The following ADK variants were observed in gnomAD, a reference collection of about 807,000 sequenced individuals.
ADK encodes the protein adenosine kinase.
In ADK, 24 loss-of-function variants were observed where a neutral mutation model predicts 44.7. That is an observed-to-expected ratio of 0.54 (90% CI 0.39 to 0.76). The LOEUF (loss-of-function observed/expected upper bound fraction) is 0.76, where lower values mean the gene tolerates loss of function less well. Among genes scored for constraint, ADK ranks in the 30% least tolerant of loss-of-function variants. ADK has a pLI of 0.00. For missense variants in ADK, 321 were observed against 425.1 expected (o/e 0.76, Z 2.15); for synonymous variants, 128 against 142.6 (o/e 0.90, Z 0.73).
chr10:74,346,226 G>GT (rs113843999), intron 4 of ADK, among the ~76,000 whole-genome samples: 3 of 151,212 alleles, frequency 2.0e-5, no homozygotes, highest in African/African-American at 2.4e-5. Flanking sequence ...CAAAGTTCAT[G>GT]TTTTTTTTTC....
chr10:74,474,888 G>A (rs1024334523), intron 6 of ADK, among the ~76,000 whole-genome samples: 9 of 152,176 alleles, frequency 5.9e-5, no homozygotes, highest in African/African-American at 1.9e-4. Context: ...AGCACTTTGG[G>A]AGGCTGAGGT....
At chr10:74,192,190 T>C (rs1378729777) in intron 1 of ADK, among the ~76,000 whole-genome samples, 2 of 152,118 alleles carry the variant, frequency 1.3e-5, no homozygotes, top group African/African-American at 2.4e-5. Context: ...ACATTTATTA[T>C]GTTTCCAGAT....
intron 3 of ADK, among the ~76,000 whole-genome samples, chr10:74,291,243 T>A (rs923981263): frequency 1.3e-5 from 2 of 152,050 alleles, no homozygotes; most frequent in African/African-American, 4.8e-5. Flanking sequence ...GGTGAAACCC[T>A]GTCTCTAATA....
At chr10:74,561,564 A>G (rs191612744) in intron 7 of ADK, among the ~76,000 whole-genome samples, 4 of 152,350 alleles carry the variant, frequency 2.6e-5, no homozygotes, top group Middle Eastern at 3.4e-3. Flanking sequence ...TGTCTAATGT[A>G]TGTGTTCCTA....
intron 6 of ADK, among the ~76,000 whole-genome samples, chr10:74,455,608 C>G (rs188143158): frequency 1.9e-3 from 282 of 152,136 alleles, no homozygotes; most frequent in African/African-American, 6.5e-3. Context: ...TTCCCTGGTT[C>G]AAGCAATTCT....
chr10:74,448,621 A>G (rs187610221), intron 6 of ADK, among the ~76,000 whole-genome samples: 161 of 152,266 alleles, frequency 1.1e-3, no homozygotes, highest in African/African-American at 3.8e-3. Context: ...ACACTCCTCA[A>G]TGCTTAATGA....
intron 6 of ADK, among the ~76,000 whole-genome samples, chr10:74,499,398 G>A (rs1392664197): frequency 1.3e-5 from 2 of 152,190 alleles, no homozygotes; most frequent in African/African-American, 4.8e-5. Flanking sequence ...ATAAGAAAGT[G>A]ACATTTTTGG....
chr10:74,598,314 C>T (rs528317349), intron 8 of ADK, among the ~76,000 whole-genome samples: 24 of 135,942 alleles, frequency 1.8e-4, no homozygotes, highest in African/African-American at 5.9e-4. Context: ...TTATTTTGTC[C>T]TTTAATTGCC....
chr10:74,450,263 G>C (rs1216721806), intron 6 of ADK, among the ~76,000 whole-genome samples: 1 of 152,190 alleles, frequency 6.6e-6, no homozygotes, highest in Non-Finnish European at 1.5e-5. Context: ...AGTGATCTGT[G>C]ATCGTATCTC....
At chr10:74,465,550 A>T (rs2133265332) in intron 6 of ADK, among the ~76,000 whole-genome samples, 1 of 152,296 alleles carries the variant, frequency 6.6e-6, no homozygotes, top group African/African-American at 2.4e-5. Context: ...TGGGGCAAAG[A>T]TAGAAATAGG....
chr10:74,288,543 T>C (rs563539948), intron 3 of ADK, among the ~76,000 whole-genome samples: 1 of 151,954 alleles, frequency 6.6e-6, no homozygotes, highest in African/African-American at 2.4e-5. Context: ...CCAGCTACTC[T>C]GGAGGCTGAG....
At chr10:74,388,252 G>C (rs1843212987) in intron 4 of ADK, among the ~76,000 whole-genome samples, 1 of 152,134 alleles carries the variant, frequency 6.6e-6, no homozygotes, top group Admixed American at 6.5e-5. Flanking sequence ...AAAGATCATA[G>C]GTTATGTTAT....
intron 4 of ADK, among the ~76,000 whole-genome samples, chr10:74,344,108 T>C (rs1268116363): frequency 6.6e-6 from 1 of 152,232 alleles, no homozygotes; most frequent in Non-Finnish European, 1.5e-5. Context: ...GATTTTTGCA[T>C]CATTCTCATA....
Position 74,372,448 on chromosome 10 carries a change from G to C in ADK, c.274-21693G>C, listed in dbSNP as rs1220132631. 1.2e-4 allele frequency: 60 copies of C among 493,636 alleles called. No individual in the cohort carries two copies. The East Asian group carries it at 2.0e-3, about 16-fold the overall frequency. The allele number at this position is 493,636 out of a possible 1,614,324, so 30.6% of individuals were successfully genotyped here. The stretch of plus-strand genomic sequence containing the variant: ...ATTGCACACGCTCTTAAGCAACATG[G>C]AAATAAGGTTGACGGAAAATAAATG... On this transcript the variant is annotated intron_variant, in intron 4 of 10. Coordinates refer to ENST00000539909, the MANE Select transcript of ADK (RefSeq NM_006721.4).
intron 9 of ADK, among the ~76,000 whole-genome samples, chr10:74,618,742 C>G (rs1407187694): frequency 1.3e-5 from 2 of 152,068 alleles, no homozygotes; most frequent in Non-Finnish European, 2.9e-5. Flanking sequence ...AGCTGTTACT[C>G]TTATTCTGCT....
At chr10:74,163,639 A>T (rs923597570) in intron 1 of ADK, among the ~76,000 whole-genome samples, 52 of 152,224 alleles carry the variant, frequency 3.4e-4, no homozygotes, top group Non-Finnish European at 3.7e-4. Context: ...AAAATAGGGC[A>T]AAAAAGTCAA....
intron 6 of ADK, among the ~76,000 whole-genome samples, chr10:74,425,341 G>A (rs1844751953): frequency 6.6e-6 from 1 of 152,086 alleles, no homozygotes; most frequent in South Asian, 2.1e-4. Context: ...CCTTCTGTAG[G>A]GTAGACATCA....
At chr10:74,406,129 A>G (rs1318571631) in intron 6 of ADK, among the ~76,000 whole-genome samples, 1 of 152,196 alleles carries the variant, frequency 6.6e-6, no homozygotes, top group Non-Finnish European at 1.5e-5. Flanking sequence ...ATTGTTTCCC[A>G]TCTCTCAGAG....
chr10:74,445,963 C>T (rs996178673), intron 6 of ADK, among the ~76,000 whole-genome samples: 11 of 151,874 alleles, frequency 7.2e-5, no homozygotes, highest in Admixed American at 6.6e-5. Context: ...TTAATTACTT[C>T]AGTAGTAATT....
Sources: gnomAD v4.1 joint callset for allele counts (sites outside exome capture counted in the v4.1 genomes callset) on GRCh38, gnomAD v4.1.1 for gene constraint, MANE v1.5 for transcripts, NCBI Gene and HGNC (gene_info 2026-07-23, HGNC 2026-07-21) for gene names.